Variants in NIPBL observed in about 807,000 individuals in gnomAD.
The protein encoded by NIPBL is nipped-B-like protein.
NIPBL carries 19 observed loss-of-function variants against 321.8 expected under a neutral mutation model. That is an observed-to-expected ratio of 0.06 (90% CI 0.04 to 0.09). The LOEUF (loss-of-function observed/expected upper bound fraction) is 0.09, where lower values mean the gene tolerates loss of function less well. Among genes scored for constraint, NIPBL ranks in the 10% least tolerant of loss-of-function variants. NIPBL has a pLI of 1.00. For missense variants in NIPBL, 2,210 were observed against 3,327.0 expected (o/e 0.66, Z 8.26); for synonymous variants, 1,106 against 1,114.1 (o/e 0.99, Z 0.14).
At chr5:36,880,344 A>G (rs572857658) in intron 1 of NIPBL, among the ~76,000 whole-genome samples, 57 of 152,212 alleles carry the variant, frequency 3.7e-4, no homozygotes, top group Non-Finnish European at 6.9e-4. Flanking sequence ...AATTAATAAT[A>G]TAAGAGTAAA....
chr5:36,886,285 C>T, intron 1 of NIPBL: 1 of 673,602 alleles, frequency 1.5e-6, no homozygotes, highest in Non-Finnish European at 2.7e-6. Context: ...GCACCAGGCC[C>T]AGGAGTACGA....
At chr5:37,056,219 G>A (rs559188585) in intron 42 of NIPBL, among the ~76,000 whole-genome samples, 43 of 152,238 alleles carry the variant, frequency 2.8e-4, no homozygotes, top group African/African-American at 1.0e-3. Flanking sequence ...ATATTGTAAA[G>A]TAAAAATAGA....
At chr5:36,986,487 C>T (rs1744822955) in intron 10 of NIPBL, among the ~76,000 whole-genome samples, 186 bp downstream of exon 10, 1 of 151,516 alleles carries the variant, frequency 6.6e-6, no homozygotes, top group Non-Finnish European at 1.5e-5. Flanking sequence ...TTTTTTTTCC[C>T]CACAGTTTTT....
chr5:37,033,721 T>C (rs1751355801), intron 32 of NIPBL, among the ~76,000 whole-genome samples: 2 of 90,750 alleles, frequency 2.2e-5, no homozygotes, highest in Non-Finnish European at 2.2e-5. Context: ...TATATATATA[T>C]ATATATATAT....
At chr5:37,039,830 A>C (rs918175422) in intron 34 of NIPBL, among the ~76,000 whole-genome samples, 5 of 152,092 alleles carry the variant, frequency 3.3e-5, no homozygotes, top group African/African-American at 1.2e-4. Flanking sequence ...ATAAATACCT[A>C]AAAACAACAT....
intron 1 of NIPBL, among the ~76,000 whole-genome samples, chr5:36,949,045 G>A (rs1739996930): frequency 6.6e-6 from 1 of 151,814 alleles, no homozygotes; most frequent in South Asian, 2.1e-4. Context: ...AATAACATTT[G>A]TTGCATTTAA....
rs139102791 is a variant in NIPBL at position 36,998,294 on chromosome 5, T to C, written c.3305-2079T>C. ...GTTATGGAAGTTGTTTTTTTTTTAATTTGTCACCCCATTTTTATCTAAATT... is the reference window on the plus strand; with the variant it reads ...GTTATGGAAGTTGTTTTTTTTTTAACTTGTCACCCCATTTTTATCTAAATT... On this transcript the variant is annotated intron_variant, in intron 11 of 46. Transcript: ENST00000282516. Among the ~76,000 whole-genome samples, 46 of 152,174 alleles carry C rather than the reference T, an allele frequency of 3.0e-4. No homozygotes were observed. The East Asian group carries it at 8.7e-3, about 29-fold the overall frequency.
chr5:36,941,388 A>G (rs1394487217), intron 1 of NIPBL, among the ~76,000 whole-genome samples: 1 of 152,076 alleles, frequency 6.6e-6, no homozygotes, highest in Admixed American at 6.6e-5. Context: ...CCTGTAACAT[A>G]AGAAAGCTTT....
chr5:37,014,199 A>AAGAGAG (rs1326864642), intron 21 of NIPBL, among the ~76,000 whole-genome samples: 2 of 151,710 alleles, frequency 1.3e-5, no homozygotes, highest in Non-Finnish European at 2.9e-5. Flanking sequence ...AGACCGTGGA[A>AAGAGAG]AGAGAGGGAG....
chr5:37,056,209 A>G (rs1047813936), intron 42 of NIPBL, among the ~76,000 whole-genome samples: 1 of 152,142 alleles, frequency 6.6e-6, no homozygotes, highest in African/African-American at 2.4e-5. Flanking sequence ...GTGTTGATAC[A>G]TATTGTAAAG....
chr5:36,887,585 C>G (rs1350367977), intron 1 of NIPBL, among the ~76,000 whole-genome samples: 1 of 152,110 alleles, frequency 6.6e-6, no homozygotes. Context: ...TGTCTTTGAC[C>G]TCCCATTTTT....
chr5:36,936,429 T>C (rs1440635308), intron 1 of NIPBL, among the ~76,000 whole-genome samples: 2 of 152,156 alleles, frequency 1.3e-5, no homozygotes, highest in Non-Finnish European at 2.9e-5. Context: ...ACATGCTGTA[T>C]AGGTTTGTAG....
Position 37,010,385 on chromosome 5 carries a change from G to A in NIPBL, c.4560+160G>A, listed in dbSNP as rs867096385. Among the ~76,000 whole-genome samples the A allele has an allele frequency of 2.2e-4, 34 of 151,996 alleles. No individual in the cohort carries two copies. The South Asian group carries it at 6.2e-3, about 28-fold the overall frequency. On this transcript the variant is annotated intron_variant, in intron 21 of 46. Transcript: ENST00000282516. Reference sequence around the variant, plus strand: ...GGCTGGAGTGCAGTGGCGCGATCTCGGCTCACTGCAACCTCTGCCTCCCGG... The same window carrying A: ...GGCTGGAGTGCAGTGGCGCGATCTCAGCTCACTGCAACCTCTGCCTCCCGG...
chr5:37,022,444 T>A (rs1749753728), intron 29 of NIPBL, 54 bp downstream of exon 29: 1 of 1,503,222 alleles, frequency 6.7e-7, no homozygotes, highest in Non-Finnish European at 9.0e-7. Flanking sequence ...CTTTCAAGCA[T>A]CATGTTTTGT....
At chr5:37,017,416 G>A (rs1199240749) in intron 24 of NIPBL, among the ~76,000 whole-genome samples, 1 of 151,916 alleles carries the variant, frequency 6.6e-6, no homozygotes, top group Non-Finnish European at 1.5e-5. Flanking sequence ...GTATAATGCT[G>A]TTTTATATTT....
At chr5:37,031,999 C>T (rs1751078650) in intron 32 of NIPBL, among the ~76,000 whole-genome samples, 1 of 152,150 alleles carries the variant, frequency 6.6e-6, no homozygotes, top group Non-Finnish European at 1.5e-5. Flanking sequence ...GTTATGGTCC[C>T]TATCAGTGGT....
intron 9 of NIPBL, among the ~76,000 whole-genome samples, chr5:36,981,278 CTTA>C (rs1253187377): frequency 6.6e-6 from 1 of 151,528 alleles, no homozygotes; most frequent in Admixed American, 6.6e-5. Context: ...AACACTGTAC[CTTA>C]TAAGTAAGAT....
intron 40 of NIPBL, 124 bp from the exon 41 acceptor site, chr5:37,051,655 G>T: frequency 1.5e-6 from 1 of 688,710 alleles, no homozygotes; most frequent in South Asian, 1.7e-5. Context: ...CTAAAACATA[G>T]ACTTTATAGG....
In NIPBL at chr5:37,048,490, C is replaced by A; in HGVS notation, c.6590-12C>A. 1 of 1,508,814 alleles carries A rather than the reference C, an allele frequency of 6.6e-7. No homozygotes were observed. Among genetic ancestry groups the A allele is most frequent in the Non-Finnish European group, 8.9e-7 (1 of 1,122,408 alleles). 93.5% of individuals were successfully genotyped at this position (1,508,814 alleles called of 1,614,324 possible). On this transcript the variant is annotated splice_polypyrimidine_tract_variant and intron_variant, in intron 38 of 46. Transcript: ENST00000282516. The stretch of plus-strand genomic sequence containing the variant: ...TATGAATATATGATGAGATTTTTCC[C>A]CTCTCCCATAGGATTTGCCTTTATT...
Sources: allele counts gnomAD v4.1 joint callset (sites outside exome capture counted in the v4.1 genomes callset), GRCh38; gene constraint gnomAD v4.1.1; transcripts MANE v1.5; gene names NCBI Gene and HGNC (gene_info 2026-07-23, HGNC 2026-07-21).